EPHA6: variants seen among roughly 807,000 people sequenced by gnomAD.
EPHA6 encodes the protein EPH receptor A6.
Under a neutral mutation model 112.0 loss-of-function variants are expected in EPHA6, and 50 were observed. The observed-to-expected ratio is 0.45, with a 90% CI of 0.36 to 0.56. EPHA6 has a LOEUF of 0.56. Ranked by LOEUF, EPHA6 falls within the 20% of genes least tolerant of loss-of-function variation. The probability of loss-of-function intolerance (pLI) is 0.00; values close to 1 mark genes in which losing one functional copy is unlikely to be tolerated. For synonymous variants in EPHA6, 529 were observed against 490.7 expected (o/e 1.08, Z -1.03); for missense variants, 1,280 against 1,417.4 (o/e 0.90, Z 1.56).
Position 97,196,902 on chromosome 3 carries a change from A to G in EPHA6, c.1115-29362A>G, listed in dbSNP as rs554086766. On this transcript the variant is annotated intron_variant, in intron 3 of 17. Transcript: ENST00000389672. ...TGACACAAGCACCTCTGTAGCCTCCACCACTGGAACTGCATCCAGTCAGAC... is the reference window on the plus strand; with the variant it reads ...TGACACAAGCACCTCTGTAGCCTCCGCCACTGGAACTGCATCCAGTCAGAC... Among the ~76,000 whole-genome samples, 17 of 152,164 alleles carry G rather than the reference A, an allele frequency of 1.1e-4. No individual in the cohort carries two copies. In the South Asian group the frequency reaches 1.7e-3, roughly 15 times the overall value.
At chr3:97,046,717 G>C (rs2045519833) in intron 3 of EPHA6, among the ~76,000 whole-genome samples, 1 of 151,700 alleles carries the variant, frequency 6.6e-6, no homozygotes, top group Non-Finnish European at 1.5e-5. Flanking sequence ...CTCCCAACAA[G>C]AAACAATTGA....
At chr3:97,437,490 G>A (rs1246154597) in intron 6 of EPHA6, among the ~76,000 whole-genome samples, 5 of 151,984 alleles carry the variant, frequency 3.3e-5, no homozygotes, top group African/African-American at 4.8e-5. Flanking sequence ...GATACTTAGC[G>A]TGTTATTTTC....
intron 5 of EPHA6, among the ~76,000 whole-genome samples, chr3:97,266,022 T>C (rs150460905): frequency 0.012 from 1,884 of 152,362 alleles, 47 homozygotes; most frequent in African/African-American, 0.043. Context: ...AATATGCCCA[T>C]AACTTAAAAT....
chr3:97,482,453 T>C (rs2091579787), intron 9 of EPHA6, among the ~76,000 whole-genome samples: 1 of 152,198 alleles, frequency 6.6e-6, no homozygotes, highest in Non-Finnish European at 1.5e-5. Flanking sequence ...CTTTGAGAAG[T>C]CAAGGAAAGC....
intron 5 of EPHA6, among the ~76,000 whole-genome samples, chr3:97,273,959 C>A (rs987520551): frequency 5.3e-5 from 8 of 152,124 alleles, no homozygotes; most frequent in Admixed American, 2.6e-4. Context: ...AGGGGCAAAT[C>A]CCCGAGCTTT....
At chr3:97,437,489 C>T (rs147883471) in intron 6 of EPHA6, among the ~76,000 whole-genome samples, 85 of 152,100 alleles carry the variant, frequency 5.6e-4, no homozygotes, top group Non-Finnish European at 1.1e-3. Context: ...AGATACTTAG[C>T]GTGTTATTTT....
At position 97,140,250 on chromosome 3, in the gene EPHA6, G is replaced by A. The variant is rs199685309; in HGVS notation, c.1115-86014G>A. Among the ~76,000 whole-genome samples, 45 of 152,154 alleles carry A rather than the reference G, an allele frequency of 3.0e-4. No homozygotes were observed. The East Asian group carries it at 7.5e-3, about 25-fold the overall frequency. On this transcript the variant is annotated intron_variant, in intron 3 of 17. Transcript: ENST00000389672. ...TGAATAATAAGAAATAAAAGTAAAA[G>A]GTTTGGAAAAGTATTTGAGGGAAAA...
In EPHA6 at chr3:96,994,819, G is replaced by T. The variant is rs1409346128; in HGVS notation, c.1114+6826G>T. On this transcript the variant is annotated intron_variant, in intron 3 of 17. Coordinates refer to ENST00000389672, the MANE Select transcript of EPHA6 (RefSeq NM_001080448.3). ...GTGTGTATATATATATATAGAGAGA[G>T]AGAGAGAGAGCTATATATACCTACA... is the stretch of plus-strand genomic sequence containing the variant. Among the ~76,000 whole-genome samples the T allele has an allele frequency of 2.1e-4, 31 of 149,338 alleles. 1 individual carries two copies. Among genetic ancestry groups the T allele is most frequent in the East Asian group, 9.8e-4 (5 of 5,092 alleles).
intron 2 of EPHA6, among the ~76,000 whole-genome samples, chr3:96,875,736 TAC>T (rs1317327976): frequency 6.6e-6 from 1 of 151,446 alleles, no homozygotes; most frequent in African/African-American, 2.4e-5. Flanking sequence ...TAATACACAT[TAC>T]ACACACACAC....
intron 3 of EPHA6, among the ~76,000 whole-genome samples, chr3:97,019,318 G>A (rs2044371070): frequency 1.3e-5 from 2 of 151,952 alleles, no homozygotes; most frequent in South Asian, 2.1e-4. Flanking sequence ...AATCTTCTGG[G>A]TGCTTCTTTC....
At chr3:96,915,012 T>A (rs761457276) in intron 2 of EPHA6, among the ~76,000 whole-genome samples, 1 of 148,686 alleles carries the variant, frequency 6.7e-6, no homozygotes, top group Non-Finnish European at 1.5e-5. Flanking sequence ...TAAATACTAC[T>A]GTGATATTAT....
intron 14 of EPHA6, among the ~76,000 whole-genome samples, chr3:97,713,651 G>T (rs912616425): frequency 6.6e-6 from 1 of 152,320 alleles, no homozygotes; most frequent in South Asian, 2.1e-4. Flanking sequence ...CCATGTGCAT[G>T]CATGCATGTC....
intron 2 of EPHA6, among the ~76,000 whole-genome samples, chr3:96,965,463 C>T (rs2042091622): frequency 6.6e-6 from 1 of 152,026 alleles, no homozygotes; most frequent in Non-Finnish European, 1.5e-5. Flanking sequence ...GTTATTTCAA[C>T]TTACTTCTGG....
Position 96,847,299 on chromosome 3 carries a change from A to C in EPHA6, c.386-19526A>C, listed in dbSNP as rs575265735. Among the ~76,000 whole-genome samples the C allele has an allele frequency of 3.3e-5, 5 of 152,200 alleles. No homozygotes were observed. The South Asian group carries it at 8.3e-4, about 25-fold the overall frequency. On this transcript the variant is annotated intron_variant, in intron 1 of 17. Transcript: ENST00000389672. ...CATGAATTAACCCTAAGTAGTCAGTAATTTCTTACATTTCTCAGCCCTGCT... is the reference window on the plus strand; with the variant it reads ...CATGAATTAACCCTAAGTAGTCAGTCATTTCTTACATTTCTCAGCCCTGCT...
intron 3 of EPHA6, among the ~76,000 whole-genome samples, chr3:97,083,087 C>A (rs1363733663): frequency 6.6e-6 from 1 of 151,970 alleles, no homozygotes; most frequent in Non-Finnish European, 1.5e-5. Context: ...GTAACCCCAG[C>A]TAATTTGCCG....
At chr3:97,081,901 A>G (rs1001115212) in intron 3 of EPHA6, among the ~76,000 whole-genome samples, 4 of 151,550 alleles carry the variant, frequency 2.6e-5, no homozygotes, top group African/African-American at 9.7e-5. Flanking sequence ...TACCAACTTA[A>G]AATTATTTTC....
At chr3:96,873,351 AGTT>A (rs1330099840) in intron 2 of EPHA6, among the ~76,000 whole-genome samples, 2 of 151,836 alleles carry the variant, frequency 1.3e-5, no homozygotes, top group East Asian at 3.9e-4. Flanking sequence ...ATCTAAGTGG[AGTT>A]GTTCATTTTT....
intron 5 of EPHA6, among the ~76,000 whole-genome samples, chr3:97,292,270 C>T (rs1261647004): frequency 1.3e-5 from 2 of 152,246 alleles, no homozygotes; most frequent in East Asian, 3.9e-4. Flanking sequence ...GCCCCAAGGT[C>T]TGCGCTCCTA....
intron 14 of EPHA6, among the ~76,000 whole-genome samples, chr3:97,670,603 T>G (rs538189066): frequency 1.3e-5 from 2 of 152,292 alleles, no homozygotes; most frequent in East Asian, 3.9e-4. Context: ...GCTGTCTGGT[T>G]GTGCAACACA....
Sources: gnomAD v4.1 joint callset for allele counts (sites outside exome capture counted in the v4.1 genomes callset) on GRCh38, gnomAD v4.1.1 for gene constraint, MANE v1.5 for transcripts, NCBI Gene and HGNC (gene_info 2026-07-23, HGNC 2026-07-21) for gene names.